MFSD2A: variants seen among roughly 807,000 people sequenced by gnomAD.
MFSD2A encodes the protein MFSD2 lysolipid transporter A, lysophospholipid.
A neutral mutation model predicts 64.7 loss-of-function variants in MFSD2A; 27 were observed. The observed-to-expected ratio is 0.42, with a 90% CI of 0.31 to 0.58. The LOEUF (loss-of-function observed/expected upper bound fraction) is 0.58, where lower values mean the gene tolerates loss of function less well. MFSD2A is among the 20% of genes least tolerant of loss of function. The pLI is 0.18. For synonymous variants in MFSD2A, 258 were observed against 273.4 expected, an observed-to-expected ratio of 0.94 and a Z score of 0.55; for missense variants, 474 against 679.5, an observed-to-expected ratio of 0.70 and a Z score of 3.36.
Position 39,960,126 on chromosome 1 carries a change from T to C in MFSD2A, c.353+1301T>C, listed in dbSNP as rs1176021708. 6.6e-6 allele frequency among the ~76,000 whole-genome samples: 1 copy of C among 152,224 alleles called. No homozygotes were observed. The highest frequency in any genetic ancestry group is 1.5e-5 in the Non-Finnish European group (1 of 68,022). ...GTGCTACTCAGCTTCAGGGGCAAAG[T>C]AGGCGGAGGTGGTGCCACGGATCGG... On this transcript the variant is annotated intron_variant, in intron 3 of 13. Coordinates refer to ENST00000372811, the MANE Select transcript of MFSD2A (RefSeq NM_032793.5). The surrounding 1 kb of genome is among the most constrained non-coding windows in gnomAD (Gnocchi z 4.8).
In MFSD2A at chr1:39,965,639, A is replaced by G; in HGVS notation, c.556+90A>G. 3 of 1,397,154 alleles carry G rather than the reference A, an allele frequency of 2.1e-6. No individual in the cohort carries two copies. The highest frequency in any genetic ancestry group is 3.0e-6 in the Non-Finnish European group (3 of 989,154). The allele number at this position is 1,397,154 out of a possible 1,614,324, so 86.5% of individuals were successfully genotyped here. On this transcript the variant is annotated intron_variant, in intron 5 of 13. Coordinates refer to ENST00000372811, the MANE Select transcript of MFSD2A (RefSeq NM_032793.5). The surrounding 1 kb of genome is among the most constrained non-coding windows in gnomAD (Gnocchi z 5.5). ...CGGGTCCAGCTCTTTGCTCTGCTCT[A>G]GAGTGTGGGTGTGAAACCATCTTAA...
chr1:39,963,429 T>TGAATTA lies in MFSD2A; in HGVS notation c.354-1781_354-1776dup. ...GGGTTTTTATACAAGAGAAGTAAAGTGAATTAAGCCTGTTAAAAAAAAAAT... is the reference window on the plus strand; with the variant it reads ...GGGTTTTTATACAAGAGAAGTAAAGTGAATTAGAATTAAGCCTGTTAAAAAAAAAAT... On this transcript the variant is annotated intron_variant, in intron 3 of 13. Coordinates refer to ENST00000372811, the MANE Select transcript of MFSD2A (RefSeq NM_032793.5). This position sits in a 1 kb window ranked among gnomAD's most constrained non-coding sequence, Gnocchi z 4.2. 1.7e-6 allele frequency: 1 copy of TGAATTA among 591,780 alleles called. No homozygotes were observed. The allele number at this position is 591,780 out of a possible 1,614,324, so 36.7% of individuals were successfully genotyped here.
chr1:39,955,172 C>A lies in MFSD2A; in HGVS notation c.-121C>A. 2.6e-6 allele frequency: 2 copies of A among 762,698 alleles called. No individual in the cohort carries two copies. Among genetic ancestry groups the A allele is most frequent in the Non-Finnish European group, 3.7e-6 (2 of 546,228 alleles). The allele number at this position is 762,698 out of a possible 1,614,324, so 47.2% of individuals were successfully genotyped here. Reference sequence around the variant, plus strand: ...AGTGCGTTCCTCGTCTGCCAGCCGGCTTGGCTAGCGCGCGGCGGCCGTGGC... The same window carrying A: ...AGTGCGTTCCTCGTCTGCCAGCCGGATTGGCTAGCGCGCGGCGGCCGTGGC... On this transcript the variant is annotated 5_prime_UTR_variant, in exon 1 of 14. Coordinates refer to ENST00000372811, the MANE Select transcript of MFSD2A (RefSeq NM_032793.5). This position sits in a 1 kb window ranked among gnomAD's most constrained non-coding sequence, Gnocchi z 5.9.
In MFSD2A at chr1:39,955,436, A is replaced by G; in HGVS notation, c.93+51A>G. 6.7e-7 allele frequency: 1 copy of G among 1,492,684 alleles called. No individual in the cohort carries two copies. The highest frequency in any genetic ancestry group is 9.0e-7 in the Non-Finnish European group (1 of 1,114,778). 92.5% of individuals were successfully genotyped at this position (1,492,684 alleles called of 1,614,324 possible). ...GGGCGAGGGGAGGGAGGAGGCGGAAATGGGGGATCAGGGGCGTCCCGGGGT... is the reference window on the plus strand; with the variant it reads ...GGGCGAGGGGAGGGAGGAGGCGGAAGTGGGGGATCAGGGGCGTCCCGGGGT... On this transcript the variant is annotated intron_variant, in intron 1 of 13. Transcript: ENST00000372811. The surrounding 1 kb of genome is among the most constrained non-coding windows in gnomAD (Gnocchi z 5.9).
At position 39,968,886 on chromosome 1, in the gene MFSD2A, C is replaced by A. The variant is rs1645222973; in HGVS notation, c.1529+141C>A. On this transcript the variant is annotated intron_variant, in intron 13 of 13. Transcript: ENST00000372811. This position sits in a 1 kb window ranked among gnomAD's most constrained non-coding sequence, Gnocchi z 4.4. ...CTGTAACACTTAAGTACGCACCAGG[C>A]ACTGTGTTAAGTGGTCTTACCTTTA... 5 of 878,732 alleles carry A rather than the reference C, an allele frequency of 5.7e-6. No homozygotes were observed. The highest frequency in any genetic ancestry group is 8.7e-6 in the Non-Finnish European group (5 of 577,884). 54.4% of individuals were successfully genotyped at this position (878,732 alleles called of 1,614,324 possible).
In MFSD2A at chr1:39,957,229, G is replaced by A. The variant is rs374629919; in HGVS notation, c.228+8G>A. The A allele has an allele frequency of 5.1e-6, 8 of 1,555,130 alleles. No individual in the cohort carries two copies. The highest frequency in any genetic ancestry group is 2.3e-5 in the East Asian group (1 of 43,318). On this transcript the variant is annotated splice_region_variant and intron_variant, in intron 2 of 13. Coordinates refer to ENST00000372811, the MANE Select transcript of MFSD2A (RefSeq NM_032793.5). ...CTATTGGATGTGGCTCAGGTGAGTG[G>A]TCTAAGCCTTCGAGGGCTCCTTCAG...
chr1:39,957,036 T>C, intron 1 of MFSD2A, 51 bp from the exon 2 acceptor site: 1 of 1,609,040 alleles, frequency 6.2e-7, no homozygotes, highest in South Asian at 1.1e-5. Context: ...TGGAACCTTC[T>C]TGGATGGAGG....
Position 39,964,722 on chromosome 1 carries a change from T to G in MFSD2A, c.354-489T>G. Reference sequence around the variant, plus strand: ...GGTGTGTGTGAATGGGGTGTGTGTGTGTGAATGATGTGTGTGTGAATGAGG... The same window carrying G: ...GGTGTGTGTGAATGGGGTGTGTGTGGGTGAATGATGTGTGTGTGAATGAGG... On this transcript the variant is annotated intron_variant, in intron 3 of 13. Coordinates refer to ENST00000372811, the MANE Select transcript of MFSD2A (RefSeq NM_032793.5). The surrounding 1 kb of genome is among the most constrained non-coding windows in gnomAD (Gnocchi z 4.1). 1 of 165,940 alleles carries G rather than the reference T, an allele frequency of 6.0e-6. No homozygotes were observed. 10.3% of individuals were successfully genotyped at this position (165,940 alleles called of 1,614,324 possible).
At position 39,965,118 on chromosome 1, in the gene MFSD2A, C is replaced by T; in HGVS notation, c.354-93C>T. Reference sequence around the variant, plus strand: ...AAGGAAGGAAGAGCTTAGCTTCCTTCCCTGTGGGGACCCTGTGAGGCACAG... The same window carrying T: ...AAGGAAGGAAGAGCTTAGCTTCCTTTCCTGTGGGGACCCTGTGAGGCACAG... On this transcript the variant is annotated intron_variant, in intron 3 of 13. Transcript: ENST00000372811. This position sits in a 1 kb window ranked among gnomAD's most constrained non-coding sequence, Gnocchi z 5.5. 1 of 1,543,716 alleles carries T rather than the reference C, an allele frequency of 6.5e-7. No individual in the cohort carries two copies. The highest frequency in any genetic ancestry group is 8.8e-7 in the Non-Finnish European group (1 of 1,132,582).
intron 3 of MFSD2A, chr1:39,962,826 A>G (rs1645074290): frequency 3.6e-6 from 5 of 1,408,202 alleles, no homozygotes; most frequent in African/African-American, 2.8e-5. Flanking sequence ...ATCTGAGATC[A>G]TTGACTTTTT....
rs1645110298 is a variant in MFSD2A at position 39,964,428 on chromosome 1, A to C, written c.354-783A>C. ...TTTTATAGTTAGTTGGTGGAGCTAG[A>C]ATGGAATCCCTGAAGAGTGGCTCAA... is the stretch of plus-strand genomic sequence containing the variant. On this transcript the variant is annotated intron_variant, in intron 3 of 13. Transcript: ENST00000372811. The surrounding 1 kb of genome is among the most constrained non-coding windows in gnomAD (Gnocchi z 4.1). 1 of 152,242 alleles carries C rather than the reference A, an allele frequency of 6.6e-6. No homozygotes were observed. The highest frequency in any genetic ancestry group is 6.5e-5 in the Admixed American group (1 of 15,288). The allele number at this position is 152,242 out of a possible 1,614,324, so 9.4% of individuals were successfully genotyped here. A position where few individuals can be genotyped will look rare whatever the true frequency, so the allele number is the denominator to read the frequency against.
rs747608325 is a variant in MFSD2A, at chr1:39,958,724, C to T, written c.252C>T (p.Ile84=). 2 of 1,614,116 alleles carry T rather than the reference C, an allele frequency of 1.2e-6. No homozygotes were observed. Among genetic ancestry groups the T allele is most frequent in the Non-Finnish European group, 1.7e-6 (2 of 1,180,010 alleles). The part of the protein sequence containing the change: ...VAQVGPFSAS[I]ILFVGRAWDA... ...AGGTGGGCCCTTTCTCTGCCTCCAT[C>T]ATCCTGTTTGTGGGCCGAGCCTGGG... Residue 84 remains isoleucine, a synonymous_variant, in exon 3 of 14, where the codon ATC becomes ATT. Transcript: ENST00000372811. This position sits in a 1 kb window ranked among gnomAD's most constrained non-coding sequence, Gnocchi z 4.7.
chr1:39,963,405 G>A lies in MFSD2A; in HGVS notation c.354-1806G>A, dbSNP rs1214983040. On this transcript the variant is annotated intron_variant, in intron 3 of 13. Coordinates refer to ENST00000372811, the MANE Select transcript of MFSD2A (RefSeq NM_032793.5). This position sits in a 1 kb window ranked among gnomAD's most constrained non-coding sequence, Gnocchi z 4.2. The stretch of plus-strand genomic sequence containing the variant: ...GGCTCCAGCTGTGGCTACAACATAG[G>A]GTTTTTATACAAGAGAAGTAAAGTG... 7 of 640,966 alleles carry A rather than the reference G, an allele frequency of 1.1e-5. No individual in the cohort carries two copies. The highest frequency in any genetic ancestry group is 1.0e-4 in the East Asian group (4 of 39,400). The allele number at this position is 640,966 out of a possible 1,614,324, so 39.7% of individuals were successfully genotyped here.
chr1:39,955,733 T>TC lies in MFSD2A; in HGVS notation c.93+352dup, dbSNP rs1317455783. On this transcript the variant is annotated intron_variant, in intron 1 of 13. Transcript: ENST00000372811. This position sits in a 1 kb window ranked among gnomAD's most constrained non-coding sequence, Gnocchi z 5.9. ...AGATGACCCCAGAAATCTGGGAAAC[T>TC]CCCCTTGGTTCCCCATCTCTCATCC... 1.9e-6 allele frequency: 1 copy of TC among 513,538 alleles called. No individual in the cohort carries two copies. Among genetic ancestry groups the TC allele is most frequent in the Non-Finnish European group, 3.7e-6 (1 of 268,076 alleles). The allele number at this position is 513,538 out of a possible 1,614,324, so 31.8% of individuals were successfully genotyped here. A position where few individuals can be genotyped will look rare whatever the true frequency, so the allele number is the denominator to read the frequency against.
rs894049883 is a variant in MFSD2A at position 39,968,843 on chromosome 1, C to T, written c.1529+98C>T. ...TGGCCAAGTCCAGACTCACCCCCCA[C>T]ACATCTTCTCTGGACAGCTGTAACA... is the stretch of plus-strand genomic sequence containing the variant. On this transcript the variant is annotated intron_variant, in intron 13 of 13. Coordinates refer to ENST00000372811, the MANE Select transcript of MFSD2A (RefSeq NM_032793.5). This position sits in a 1 kb window ranked among gnomAD's most constrained non-coding sequence, Gnocchi z 4.4. The T allele has an allele frequency of 7.6e-7, 1 of 1,320,906 alleles. No individual in the cohort carries two copies. The highest frequency in any genetic ancestry group is 1.5e-5 in the African/African-American group (1 of 68,816). 81.8% of individuals were successfully genotyped at this position (1,320,906 alleles called of 1,614,324 possible).
In MFSD2A at chr1:39,963,465, CAG is replaced by C. The variant is rs1355624549; in HGVS notation, c.354-1743_354-1742del. ...TGTTAAAAAAAAAATGTTTACGAGA[CAG>C]AGTCTTGCTATGTTGCACAGGCTGG... On this transcript the variant is annotated intron_variant, in intron 3 of 13. Transcript: ENST00000372811. The surrounding 1 kb of genome is among the most constrained non-coding windows in gnomAD (Gnocchi z 4.2). 3 of 536,168 alleles carry C rather than the reference CAG, an allele frequency of 5.6e-6. No individual in the cohort carries two copies. In the African/African-American group the frequency reaches 5.7e-5, roughly 10 times the overall value. 33.2% of individuals were successfully genotyped at this position (536,168 alleles called of 1,614,324 possible). A position where few individuals can be genotyped will look rare whatever the true frequency, so the allele number is the denominator to read the frequency against.
chr1:39,969,019 C>T (rs962740427), intron 13 of MFSD2A, among the ~76,000 whole-genome samples: 2 of 152,180 alleles, frequency 1.3e-5, no homozygotes, highest in African/African-American at 2.4e-5. Flanking sequence ...CGTGTGTATC[C>T]ATCACCTCCC....
rs542473074 is a variant in MFSD2A at position 39,964,934 on chromosome 1, C to T, written c.354-277C>T. The T allele has an allele frequency of 1.6e-5, 8 of 495,594 alleles. No homozygotes were observed. The Admixed American group carries it at 1.7e-4, about 10-fold the overall frequency. 30.7% of individuals were successfully genotyped at this position (495,594 alleles called of 1,614,324 possible). A position where few individuals can be genotyped will look rare whatever the true frequency, so the allele number is the denominator to read the frequency against. On this transcript the variant is annotated intron_variant, in intron 3 of 13. Transcript: ENST00000372811. The surrounding 1 kb of genome is among the most constrained non-coding windows in gnomAD (Gnocchi z 4.1). ...TGGACTCCTGTCCTAACTCTCAGCC[C>T]ATTAGAGGCTGCTGCCTCTGGACTA... is the stretch of plus-strand genomic sequence containing the variant.
chr1:39,968,221 C>A lies in MFSD2A; in HGVS notation c.1209-113C>A. On this transcript the variant is annotated intron_variant, in intron 11 of 13. Coordinates refer to ENST00000372811, the MANE Select transcript of MFSD2A (RefSeq NM_032793.5). The surrounding 1 kb of genome is among the most constrained non-coding windows in gnomAD (Gnocchi z 4.4). ...CTTATTCATGTGAAGGTCCCATATCCTCACTGAGCTGTGTACCCATGGTAC... is the reference window on the plus strand; with the variant it reads ...CTTATTCATGTGAAGGTCCCATATCATCACTGAGCTGTGTACCCATGGTAC... 1.6e-6 allele frequency: 2 copies of A among 1,277,926 alleles called. No homozygotes were observed. Among genetic ancestry groups the A allele is most frequent in the Non-Finnish European group, 2.2e-6 (2 of 902,744 alleles). 79.2% of individuals were successfully genotyped at this position (1,277,926 alleles called of 1,614,324 possible). A position where few individuals can be genotyped will look rare whatever the true frequency, so the allele number is the denominator to read the frequency against.
Sources: gnomAD v4.1 joint callset for allele counts (sites outside exome capture counted in the v4.1 genomes callset) on GRCh38, gnomAD v4.1.1 for gene constraint, Gnocchi (gnomAD v3.1) non-coding constraint, MANE v1.5 for transcripts, NCBI Gene and HGNC (gene_info 2026-07-23, HGNC 2026-07-21) for gene names.